TRIM7: variants seen among roughly 807,000 people sequenced by gnomAD.
TRIM7 encodes the protein tripartite motif containing 7, also known as E3 ubiquitin-protein ligase TRIM7.
TRIM7 carries 32 observed loss-of-function variants against 37.9 expected under a neutral mutation model. The observed-to-expected ratio is 0.84, with a 90% CI of 0.64 to 1.13. The LOEUF (loss-of-function observed/expected upper bound fraction) is 1.13, where lower values mean the gene tolerates loss of function less well. Ranked by LOEUF, TRIM7 falls within the 50% of genes most tolerant of loss-of-function variation. The probability of loss-of-function intolerance (pLI) is 0.00; values close to 1 mark genes in which losing one functional copy is unlikely to be tolerated. For missense variants in TRIM7, 732 were observed against 714.0 expected (o/e 1.03, Z -0.29); for synonymous variants, 351 against 321.3 (o/e 1.09, Z -0.99).
chr5:181,198,250 G>C (rs1757255510), intron 5 of TRIM7, 32 bp from the exon 6 acceptor site: 3 of 1,612,374 alleles, frequency 1.9e-6, no homozygotes, highest in Non-Finnish European at 2.5e-6. Flanking sequence ...AGGCGTGCAT[G>C]AGCGACACGG....
At position 181,198,702 on chromosome 5, in the gene TRIM7, T is replaced by G. The variant is rs774225201; in HGVS notation, c.976A>C (p.Lys326Gln). ...LKTFVLKGML[K>Q]KFKEDLRGEL... ...CCCAGGCCCCTACCTTTGAACTTCTTCAGCATCCCTTTTAAGACAAAGGTC... is the reference window on the plus strand; with the variant it reads ...CCCAGGCCCCTACCTTTGAACTTCTGCAGCATCCCTTTTAAGACAAAGGTC... The change falls in exon 5 of 7, where the codon AAG (lysine) becomes CAG (glutamine). Residue 326 changes from lysine (K) to glutamine (Q), a missense_variant. Coordinates refer to ENST00000274773, the MANE Select transcript of TRIM7 (RefSeq NM_203293.3). The G allele has an allele frequency of 6.2e-7, 1 of 1,613,546 alleles. No homozygotes were observed.
intron 3 of TRIM7, 104 bp downstream of exon 3, chr5:181,199,747 A>G (rs1046793381): frequency 4.8e-6 from 7 of 1,453,348 alleles, no homozygotes; most frequent in Non-Finnish European, 6.3e-6. Flanking sequence ...TCAGCTCCAG[A>G]TCATGTGATT....
intron 6 of TRIM7, 80 bp from the exon 7 acceptor site, chr5:181,195,757 CT>C: frequency 6.8e-7 from 1 of 1,480,320 alleles, no homozygotes; most frequent in South Asian, 1.4e-5. Flanking sequence ...CCCGACCTTG[CT>C]TTGCAACCTG....
At position 181,194,997 on chromosome 5, in the gene TRIM7, G is replaced by T. The variant is rs369257262; in HGVS notation, c.*169C>A. 2.6e-6 allele frequency: 2 copies of T among 759,380 alleles called. No homozygotes were observed. The highest frequency in any genetic ancestry group is 1.8e-5 in the African/African-American group (1 of 55,806). 47.0% of individuals were successfully genotyped at this position (759,380 alleles called of 1,614,324 possible). A position where few individuals can be genotyped will look rare whatever the true frequency, so the allele number is the denominator to read the frequency against. The stretch of plus-strand genomic sequence containing the variant: ...GTCCAAAGCCCCTGTTCCCCTGCTC[G>T]GTTGGCCACAGTCACTCTCCTGCCT... On this transcript the variant is annotated 3_prime_UTR_variant, in exon 7 of 7. Transcript: ENST00000274773.
chr5:181,204,398 T>C, intron 1 of TRIM7, 191 bp downstream of exon 1: 1 of 1,167,588 alleles, frequency 8.6e-7, no homozygotes, highest in Non-Finnish European at 1.1e-6. Context: ...GGGGTATTGG[T>C]GATGTTGGGG....
At chr5:181,198,299 A>G (rs1582227118) in intron 5 of TRIM7, 81 bp from the exon 6 acceptor site, 2 of 1,417,264 alleles carry the variant, frequency 1.4e-6, no homozygotes, top group East Asian at 4.6e-5. Flanking sequence ...TTATATCCCA[A>G]CTGACTCATT....
At chr5:181,197,741 C>T (rs191520852) in intron 6 of TRIM7, 13 of 176,834 alleles carry the variant, frequency 7.4e-5, no homozygotes, top group Middle Eastern at 2.6e-3. Flanking sequence ...GCCCTCCCCT[C>T]CCCTCCTCTG....
intron 2 of TRIM7, chr5:181,201,014 C>T (rs957520279): frequency 2.9e-6 from 2 of 701,364 alleles, no homozygotes; most frequent in Non-Finnish European, 3.5e-6. Flanking sequence ...TCAAGTCTTA[C>T]AGGTGAGGAG....
In TRIM7 at chr5:181,199,077, A is replaced by T. The variant is rs776292938; in HGVS notation, c.872+18T>A. On this transcript the variant is annotated intron_variant, in intron 4 of 6. Transcript: ENST00000274773. ...AGAAGCAACTTAGAGAGGCCCCAGG[A>T]GCTGTGAGGTCACTCACCTGCTCAG... is the stretch of plus-strand genomic sequence containing the variant. The T allele has an allele frequency of 1.2e-6, 2 of 1,614,196 alleles. No individual in the cohort carries two copies. The highest frequency in any genetic ancestry group is 1.7e-6 in the Non-Finnish European group (2 of 1,180,026).
chr5:181,199,782 C>T (rs1037936564), intron 3 of TRIM7, 69 bp downstream of exon 3: 9 of 1,514,748 alleles, frequency 5.9e-6, no homozygotes, highest in Non-Finnish European at 8.0e-6. Flanking sequence ...AGGACTGACA[C>T]TGTTCTCTAG....
At chr5:181,204,475 G>A (rs904148482) in intron 1 of TRIM7, 114 bp downstream of exon 1, 2 of 1,191,654 alleles carry the variant, frequency 1.7e-6, no homozygotes, top group Admixed American at 4.2e-5. Flanking sequence ...AAGAAGGGAG[G>A]GGCTCACCCG....
rs754085772 is a variant in TRIM7, at chr5:181,204,766, C to T, written c.345G>A (p.Glu115=). 5 of 1,445,494 alleles carry T rather than the reference C, an allele frequency of 3.5e-6. No homozygotes were observed. The South Asian group carries it at 4.1e-5, about 12-fold the overall frequency. The allele number at this position is 1,445,494 out of a possible 1,614,324, so 89.5% of individuals were successfully genotyped here. Reference sequence around the variant, plus strand: ...GGGCCGCGGCCGCCTGAGACCCGTGCTCTCCCGGGGCAGCCGCGGGCAGGC... The same window carrying T: ...GGGCCGCGGCCGCCTGAGACCCGTGTTCTCCCGGGGCAGCCGCGGGCAGGC... ...RFSLPAAAPG[E]HGSQAAAARA... Residue 115 remains glutamate (E), a synonymous_variant, in exon 1 of 7, where the codon GAG becomes GAA. Coordinates refer to ENST00000274773, the MANE Select transcript of TRIM7 (RefSeq NM_203293.3).
At chr5:181,204,566 G>A in intron 1 of TRIM7, 23 bp downstream of exon 1, 1 of 1,362,850 alleles carries the variant, frequency 7.3e-7, no homozygotes, top group South Asian at 1.8e-5. Flanking sequence ...GGGACCCACG[G>A]GGTGGGTGGG....
rs373720464 is a variant in TRIM7, at chr5:181,195,557, G to A, written c.1145C>T (p.Thr382Ile). Residue 382 changes from threonine (T) to isoleucine (I), a missense_variant, in exon 7 of 7, where the codon ACC (threonine) becomes ATC (isoleucine). By Grantham distance (89) the Thr-to-Ile change is moderately conservative (BLOSUM62 -1). Coordinates refer to ENST00000274773, the MANE Select transcript of TRIM7 (RefSeq NM_203293.3). The part of the protein sequence containing the change: ...DLPNHPCRFD[T>I]NTRVLASCGF... The stretch of plus-strand genomic sequence containing the variant: ...GCAGGACGCCAGGACGCGGGTGTTG[G>A]TGTCGAAGCGGCAGGGGTGGTTGGG... 1 of 1,610,712 alleles carries A rather than the reference G, an allele frequency of 6.2e-7. No individual in the cohort carries two copies. The highest frequency in any genetic ancestry group is 1.3e-5 in the African/African-American group (1 of 74,878).
chr5:181,205,185 C>T lies in TRIM7; in HGVS notation c.-75G>A. 1 of 1,248,512 alleles carries T rather than the reference C, an allele frequency of 8.0e-7. No homozygotes were observed. Among genetic ancestry groups the T allele is most frequent in the Admixed American group, 4.2e-5 (1 of 23,730 alleles). 77.3% of individuals were successfully genotyped at this position (1,248,512 alleles called of 1,614,324 possible). On this transcript the variant is annotated 5_prime_UTR_variant, in exon 1 of 7. Transcript: ENST00000274773. ...CCTCACAGGACGCGGAGCTGGGCGCCGAGGGCCCACTGGGAGAGGAAGGGC... is the reference window on the plus strand; with the variant it reads ...CCTCACAGGACGCGGAGCTGGGCGCTGAGGGCCCACTGGGAGAGGAAGGGC...
rs1264416299 is a variant in TRIM7 at position 181,199,309 on chromosome 5, T to C, written c.850-192A>G. ...GCTGCAGGGTGTCTCACCCACGCAG[T>C]GGACCTCTCACCCTTTGCCACAACT... is the stretch of plus-strand genomic sequence containing the variant. On this transcript the variant is annotated intron_variant, in intron 3 of 6. Transcript: ENST00000274773. 6.3e-6 allele frequency: 4 copies of C among 639,734 alleles called. No individual in the cohort carries two copies. The East Asian group carries it at 1.1e-4, about 17-fold the overall frequency. The allele number at this position is 639,734 out of a possible 1,614,324, so 39.6% of individuals were successfully genotyped here.
chr5:181,199,468 C>T (rs1757340922), intron 3 of TRIM7: 4 of 484,746 alleles, frequency 8.3e-6, no homozygotes, highest in Non-Finnish European at 1.5e-5. Context: ...GCACCTACTG[C>T]TCACTCAGCC....
chr5:181,204,947 C>A lies in TRIM7; in HGVS notation c.164G>T (p.Arg55Leu). 1 of 1,444,498 alleles carries A rather than the reference C, an allele frequency of 6.9e-7. No homozygotes were observed. The allele number at this position is 1,444,498 out of a possible 1,614,324, so 89.5% of individuals were successfully genotyped here. Residue 55 changes from arginine to leucine, a missense_variant, in exon 1 of 7, where the codon CGC (arginine) becomes CTC (leucine). By Grantham distance (102) the Arg-to-Leu change is moderately radical (BLOSUM62 -2). Transcript: ENST00000274773. ...CCCCGCGCCCGGGCGCTCCCAGCAG[C>A]GCCCTATGCAGGCGCGGCAGAAGCT... ...GHSFCRACIG[R>L]CWERPGAGSV...
At chr5:181,201,966 C>T (rs1246590627) in intron 2 of TRIM7, among the ~76,000 whole-genome samples, 1 of 152,094 alleles carries the variant, frequency 6.6e-6, no homozygotes, top group East Asian at 1.9e-4. Flanking sequence ...GTGAGCTCTT[C>T]CTCATGGAGG....
Sources: gnomAD v4.1 joint callset for allele counts (sites outside exome capture counted in the v4.1 genomes callset) on GRCh38, gnomAD v4.1.1 for gene constraint, MANE v1.5 for transcripts, NCBI Gene and HGNC (gene_info 2026-07-23, HGNC 2026-07-21) for gene names.